Variants in MCM5 observed in about 807,000 individuals in gnomAD.
The protein encoded by MCM5 is DNA replication licensing factor MCM5.
In MCM5, 46 loss-of-function variants were observed where a neutral mutation model predicts 79.9. The observed-to-expected ratio is 0.58, with a 90% CI of 0.45 to 0.74. The LOEUF (loss-of-function observed/expected upper bound fraction) is 0.74. Among genes scored for constraint, MCM5 ranks in the 30% least tolerant of loss-of-function variants. The pLI is 0.00. For missense variants in MCM5, 883 were observed against 1,017.0 expected (o/e 0.87, Z 1.79); for synonymous variants, 404 against 390.5 (o/e 1.03, Z -0.41).
rs1302804202 is a variant in MCM5, at chr22:35,412,682, G to A, written c.1091+1G>A. The A allele has an allele frequency of 6.8e-7, 1 of 1,470,180 alleles. No homozygotes were observed. The highest frequency in any genetic ancestry group is 9.1e-7 in the Non-Finnish European group (1 of 1,100,448). 91.1% of individuals were successfully genotyped at this position (1,470,180 alleles called of 1,614,324 possible). ...TGCTCTTTGGGGGCTCCCGAAAGAGGTAGGGGCTTGAGTTCCCTTGGGTTT... is the reference window on the plus strand; with the variant it reads ...TGCTCTTTGGGGGCTCCCGAAAGAGATAGGGGCTTGAGTTCCCTTGGGTTT... On this transcript the variant is annotated splice_donor_variant, in intron 8 of 16. Transcript: ENST00000216122. LOFTEE classifies it high-confidence loss of function.
At chr22:35,436,604 G>C in the MCM5 span, among the ~76,000 whole-genome samples, 1 of 152,058 alleles carries the variant, frequency 6.6e-6, no homozygotes, top group African/African-American at 2.4e-5. Context: ...CCCTGGCTTC[G>C]TGCCCTCTCC....
At chr22:35,401,859 G>A (rs908797216) in intron 2 of MCM5, 11 of 376,632 alleles carry the variant, frequency 2.9e-5, no homozygotes, top group African/African-American at 2.3e-4. Flanking sequence ...AAGTTTGAGG[G>A]GACCTTTGAG....
the MCM5 span, among the ~76,000 whole-genome samples, chr22:35,451,764 G>A: frequency 6.6e-6 from 1 of 152,230 alleles, no homozygotes; most frequent in Non-Finnish European, 1.5e-5. Context: ...AGCGGTTCCT[G>A]AGTGGGTAAA....
rs991562317 is a variant in MCM5, at chr22:35,400,147, A to G, written c.-70A>G. On this transcript the variant is annotated 5_prime_UTR_variant, in exon 1 of 17. Coordinates refer to ENST00000216122, the MANE Select transcript of MCM5 (RefSeq NM_006739.4). Reference sequence around the variant, plus strand: ...CACCGCCTCTTGTTTTTCCCGCGAAACTCGGCGGCTGAGCGTGGAGGTTCT... The same window carrying G: ...CACCGCCTCTTGTTTTTCCCGCGAAGCTCGGCGGCTGAGCGTGGAGGTTCT... 2.5e-6 allele frequency: 1 copy of G among 399,680 alleles called. No individual in the cohort carries two copies. The highest frequency in any genetic ancestry group is 2.4e-5 in the South Asian group (1 of 41,310). 24.8% of individuals were successfully genotyped at this position (399,680 alleles called of 1,614,324 possible).
chr22:35,409,230 G>A (rs1241654254), intron 6 of MCM5, among the ~76,000 whole-genome samples: 4 of 152,142 alleles, frequency 2.6e-5, no homozygotes, highest in African/African-American at 9.6e-5. Flanking sequence ...CCCAGAGTGC[G>A]TGGATTACAG....
Position 35,400,564 on chromosome 22 carries a change from C to T in MCM5, c.126C>T (p.Tyr42=). The change falls in exon 2 of 17, where the codon TAC becomes TAT. Residue 42 remains tyrosine (Y), a synonymous_variant. Transcript: ENST00000216122. The stretch of plus-strand genomic sequence containing the variant: ...GCTTCAAGGAGTTCCTGCGGCAGTA[C>T]CGAGTGGGCACCGACCGCACGGGCT... The part of the protein sequence containing the change: ...QRRFKEFLRQ[Y]RVGTDRTGFT... 1 of 1,613,728 alleles carries T rather than the reference C, an allele frequency of 6.2e-7. No homozygotes were observed. The highest frequency in any genetic ancestry group is 8.5e-7 in the Non-Finnish European group (1 of 1,179,870).
Position 35,424,664 on chromosome 22 carries a change from TTCA to T in MCM5, c.*412_*414del, listed in dbSNP as rs1932761266. 1 of 160,030 alleles carries T rather than the reference TTCA, an allele frequency of 6.2e-6. No individual in the cohort carries two copies. Among genetic ancestry groups the T allele is most frequent in the African/African-American group, 2.4e-5 (1 of 41,754 alleles). The allele number at this position is 160,030 out of a possible 1,614,324, so 9.9% of individuals were successfully genotyped here. On this transcript the variant is annotated 3_prime_UTR_variant, in exon 17 of 17. Transcript: ENST00000216122. Reference sequence around the variant, plus strand: ...CACGTGACTTGAGTGCTCCGGTTTCTTCATCTGTTTAGCGGGGCTCATAAAGCC... The same window carrying T: ...CACGTGACTTGAGTGCTCCGGTTTCTTCTGTTTAGCGGGGCTCATAAAGCC...
chr22:35,453,819 T>TATATATATATAGAGAGAGAGAGAGAG, the MCM5 span, among the ~76,000 whole-genome samples: 8 of 81,540 alleles, frequency 9.8e-5, no homozygotes, highest in East Asian at 6.8e-4. Context: ...TATATATATA[T>TATATATATATAGAGAGAGAGAGAGAG]AGAGAGAGAG....
At chr22:35,445,799 C>G in the MCM5 span, among the ~76,000 whole-genome samples, 1 of 152,178 alleles carries the variant, frequency 6.6e-6, no homozygotes, top group South Asian at 2.1e-4. Flanking sequence ...GCATGAGCCA[C>G]CACACTCGGC....
the MCM5 span, among the ~76,000 whole-genome samples, chr22:35,444,733 G>A: frequency 6.6e-6 from 1 of 152,234 alleles, no homozygotes; most frequent in Admixed American, 6.5e-5. Context: ...TGAGGCAGAG[G>A]CCAGGCACAG....
At chr22:35,404,926 T>A (rs1932166231) in intron 4 of MCM5, among the ~76,000 whole-genome samples, 1 of 152,216 alleles carries the variant, frequency 6.6e-6, no homozygotes, top group Non-Finnish European at 1.5e-5. Flanking sequence ...TTACTTTTTA[T>A]TATGGATAAT....
Position 35,415,934 on chromosome 22 carries a change from G to A in MCM5, c.1309G>A (p.Ala437Thr), listed in dbSNP as rs1932527166. 3 of 1,614,194 alleles carry A rather than the reference G, an allele frequency of 1.9e-6. No individual in the cohort carries two copies. Among genetic ancestry groups the A allele is most frequent in the Non-Finnish European group, 2.5e-6 (3 of 1,180,032 alleles). The stretch of plus-strand genomic sequence containing the variant: ...CATGGAGGGCGGAGCCATGGTCCTG[G>A]CCGATGGTGGGGTCGTCTGTATTGA... The part of the protein sequence containing the change: ...FIMEGGAMVL[A>T]DGGVVCIDEF... Residue 437 changes from alanine (A) to threonine (T), a missense_variant, in exon 10 of 17, where the codon GCC becomes ACC. Ala to Thr is a moderately conservative substitution (Grantham distance 58). Around this residue, in one of 3 missense-constraint regions of MCM5, gnomAD observed 426 missense variants for 482.3 expected, o/e 0.88. Transcript: ENST00000216122.
At chr22:35,449,816 C>T in the MCM5 span, among the ~76,000 whole-genome samples, 1 of 152,068 alleles carries the variant, frequency 6.6e-6, no homozygotes, top group Admixed American at 6.5e-5. Context: ...GGGTCTCACT[C>T]TGTCTCCCAG....
chr22:35,421,284 C>A (rs770444661), intron 14 of MCM5, 34 bp from the exon 15 acceptor site: 1 of 1,598,074 alleles, frequency 6.3e-7, no homozygotes, highest in Admixed American at 1.7e-5. Flanking sequence ...AATAGCGGAC[C>A]GAGGCTACCC....
the MCM5 span, among the ~76,000 whole-genome samples, chr22:35,431,879 G>A: frequency 6.6e-6 from 1 of 152,158 alleles, no homozygotes; most frequent in Admixed American, 6.5e-5. Flanking sequence ...GCCTGCTTCT[G>A]GTGGTATAAT....
At chr22:35,438,476 T>TATCCATCCATCCATCCATCCATCCATCC in the MCM5 span, among the ~76,000 whole-genome samples, 12 of 107,602 alleles carry the variant, frequency 1.1e-4, no homozygotes, top group East Asian at 3.2e-4. Flanking sequence ...TCCATCCACA[T>TATCCATCCATCCATCCATCCATCCATCC]ATCCATCCAT....
At chr22:35,425,841 G>C (rs1019335078), downstream of MCM5, among the ~76,000 whole-genome samples, 11 of 151,984 alleles carry the variant, frequency 7.2e-5, no homozygotes, top group African/African-American at 2.4e-4. Context: ...CCACCCCTGT[G>C]GTGGGTGGTG....
At chr22:35,444,653 A>G in the MCM5 span, among the ~76,000 whole-genome samples, 119,683 of 151,492 alleles carry the variant, frequency 0.79, 47,855 homozygotes, top group African/African-American at 0.88. Flanking sequence ...GAGTATGCTG[A>G]AGACAGGCAG....
In MCM5 at chr22:35,424,809, T is replaced by C. The variant is rs923476403; in HGVS notation, c.*554T>C. The C allele has an allele frequency of 1.3e-5, 2 of 152,290 alleles. No individual in the cohort carries two copies. The highest frequency in any genetic ancestry group is 4.8e-5 in the African/African-American group (2 of 41,442). The allele number at this position is 152,290 out of a possible 1,614,324, so 9.4% of individuals were successfully genotyped here. On this transcript the variant is annotated 3_prime_UTR_variant, in exon 17 of 17. Coordinates refer to ENST00000216122, the MANE Select transcript of MCM5 (RefSeq NM_006739.4). Reference sequence around the variant, plus strand: ...TAACTTATTGGGGGGCTGCGAGCCGTGGTGCGGCGGTCAGACTGCCTGGAT... The same window carrying C: ...TAACTTATTGGGGGGCTGCGAGCCGCGGTGCGGCGGTCAGACTGCCTGGAT...
Sources: allele counts gnomAD v4.1 joint callset (sites outside exome capture counted in the v4.1 genomes callset), GRCh38; gene constraint gnomAD v4.1.1; regional missense constraint gnomAD v4.1.1; transcripts MANE v1.5; gene names NCBI Gene and HGNC (gene_info 2026-07-23, HGNC 2026-07-21).